NR6A1: variants seen among roughly 807,000 people sequenced by gnomAD.
The protein encoded by NR6A1 is nuclear receptor subfamily 6 group A member 1, also known as retinoic acid receptor-related testis-associated receptor.
Under a neutral mutation model 59.1 loss-of-function variants are expected in NR6A1, and 7 were observed. That is an observed-to-expected ratio of 0.12 (90% confidence interval 0.07 to 0.22). The LOEUF is 0.22. Ranked by LOEUF, NR6A1 falls within the 10% of genes least tolerant of loss-of-function variation. The pLI is 1.00. For missense variants in NR6A1, 468 were observed against 611.6 expected (o/e 0.77, Z 2.48); for synonymous variants, 243 against 236.1 (o/e 1.03, Z -0.27).
At chr9:124,534,076 T>C (rs995714527) in intron 7 of NR6A1, among the ~76,000 whole-genome samples, 50 of 146,692 alleles carry the variant, frequency 3.4e-4, no homozygotes, top group African/African-American at 1.3e-3. Flanking sequence ...ATAAGACTTT[T>C]TTTTTTTTTT....
intron 2 of NR6A1, among the ~76,000 whole-genome samples, chr9:124,589,508 C>G (rs534613027): frequency 1.3e-5 from 2 of 152,308 alleles, no homozygotes; most frequent in African/African-American, 2.4e-5. Flanking sequence ...TGATAGTGTA[C>G]ATGTACACAT....
rs184058975 is a variant in NR6A1, at chr9:124,616,382, G to A, written c.143-61812C>T. On this transcript the variant is annotated intron_variant, in intron 2 of 9. Coordinates refer to ENST00000487099, the MANE Select transcript of NR6A1 (RefSeq NM_033334.4). Reference sequence around the variant, plus strand: ...CGCGCCAATGCACTCCAGCCTGGGCGACAAAGCGGGACTCCATCTCAAAAA... The same window carrying A: ...CGCGCCAATGCACTCCAGCCTGGGCAACAAAGCGGGACTCCATCTCAAAAA... Among the ~76,000 whole-genome samples the A allele has an allele frequency of 8.5e-5, 11 of 129,906 alleles. No homozygotes were observed. The East Asian group carries it at 8.9e-4, about 10-fold the overall frequency. 85.2% of individuals were successfully genotyped at this position (129,906 alleles called of 152,430 possible).
At chr9:124,553,997 C>T (rs1833859118) in intron 3 of NR6A1, among the ~76,000 whole-genome samples, 3 of 152,294 alleles carry the variant, frequency 2.0e-5, no homozygotes, top group African/African-American at 7.2e-5. Flanking sequence ...TCTCCTACCT[C>T]ATGCCTTTTC....
chr9:124,725,033 T>C (rs1839669509), intron 2 of NR6A1, among the ~76,000 whole-genome samples: 1 of 152,244 alleles, frequency 6.6e-6, no homozygotes. Flanking sequence ...ATGACTTCTA[T>C]TCTCTAACTT....
chr9:124,567,107 C>CA (rs796647682), intron 2 of NR6A1, among the ~76,000 whole-genome samples: 2,903 of 121,524 alleles, frequency 0.024, 51 homozygotes, highest in African/African-American at 0.045. Context: ...GACTCCGTCT[C>CA]AAAAAAAAAA....
chr9:124,566,080 T>C (rs932524380), intron 2 of NR6A1, among the ~76,000 whole-genome samples: 1 of 152,252 alleles, frequency 6.6e-6, no homozygotes, highest in Non-Finnish European at 1.5e-5. Context: ...TTACTACAGA[T>C]GGTATGCGTT....
chr9:124,704,042 T>C, intron 2 of NR6A1, among the ~76,000 whole-genome samples: 1 of 152,234 alleles, frequency 6.6e-6, no homozygotes, highest in East Asian at 1.9e-4. Flanking sequence ...AGATTTTTAA[T>C]TACTAATTCA....
chr9:124,541,944 A>T (rs1000478134), intron 4 of NR6A1, among the ~76,000 whole-genome samples: 15 of 152,366 alleles, frequency 9.8e-5, no homozygotes, highest in Admixed American at 3.9e-4. Flanking sequence ...GCATGATTCC[A>T]CTTTATGAGG....
chr9:124,713,605 G>T (rs1331540605), intron 2 of NR6A1, among the ~76,000 whole-genome samples: 1 of 152,116 alleles, frequency 6.6e-6, no homozygotes, highest in East Asian at 1.9e-4. Context: ...TTTCTCCAAA[G>T]AAGACACACA....
intron 2 of NR6A1, among the ~76,000 whole-genome samples, chr9:124,718,926 C>T (rs531010226): frequency 6.6e-6 from 1 of 150,774 alleles, no homozygotes; most frequent in South Asian, 2.1e-4. Flanking sequence ...GCGATCCTCC[C>T]ACCTCAGCAT....
intron 1 of NR6A1, among the ~76,000 whole-genome samples, chr9:124,755,372 C>G (rs867308893): frequency 2.0e-5 from 3 of 152,172 alleles, no homozygotes; most frequent in South Asian, 4.1e-4. Flanking sequence ...CACAAGCACA[C>G]TGGCATGTAA....
At chr9:124,626,662 G>A (rs753725659) in intron 2 of NR6A1, among the ~76,000 whole-genome samples, 7 of 152,320 alleles carry the variant, frequency 4.6e-5, no homozygotes, top group African/African-American at 1.4e-4. Context: ...CAGGCGGGGC[G>A]TGGTGGCTCA....
At chr9:124,767,279 G>C (rs897893615) in intron 1 of NR6A1, among the ~76,000 whole-genome samples, 36 of 152,034 alleles carry the variant, frequency 2.4e-4, no homozygotes, top group Non-Finnish European at 4.1e-4. Context: ...TAACACATGT[G>C]CCTTGCATAC....
chr9:124,716,768 A>G (rs1481228348), intron 2 of NR6A1, among the ~76,000 whole-genome samples: 1 of 152,146 alleles, frequency 6.6e-6, no homozygotes, highest in Non-Finnish European at 1.5e-5. Flanking sequence ...AGTAGCTGGG[A>G]TTACAGGCAG....
At chr9:124,549,123 T>C (rs559045974) in intron 3 of NR6A1, among the ~76,000 whole-genome samples, 1 of 152,202 alleles carries the variant, frequency 6.6e-6, no homozygotes, top group Non-Finnish European at 1.5e-5. Flanking sequence ...GCAAAAAAGC[T>C]GTGGAAGCAC....
chr9:124,715,651 T>C (rs1477003913), intron 2 of NR6A1, among the ~76,000 whole-genome samples: 2 of 151,938 alleles, frequency 1.3e-5, no homozygotes, highest in Non-Finnish European at 2.9e-5. Context: ...GCAAGTTTTG[T>C]TAAAAAAAGA....
chr9:124,767,321 T>C (rs1032230387), intron 1 of NR6A1, among the ~76,000 whole-genome samples: 1 of 152,136 alleles, frequency 6.6e-6, no homozygotes, highest in East Asian at 1.9e-4. Flanking sequence ...GAATGAATTA[T>C]AGATTAGGAA....
chr9:124,651,708 T>C lies in NR6A1; in HGVS notation c.142+81600A>G, dbSNP rs76092672. Among the ~76,000 whole-genome samples, 1,528 of 152,340 alleles carry C rather than the reference T, an allele frequency of 0.01. 66 individuals carry two copies. In the East Asian group the frequency reaches 0.15, roughly 15 times the overall value. ...CGGTTTACACTAAAATAGGCCTCAT[T>C]ACATATCTAAAGAAATTATCCAAAA... On this transcript the variant is annotated intron_variant, in intron 2 of 9. Transcript: ENST00000487099.
chr9:124,644,037 A>G (rs1836855212), intron 2 of NR6A1, among the ~76,000 whole-genome samples: 1 of 152,028 alleles, frequency 6.6e-6, no homozygotes, highest in Non-Finnish European at 1.5e-5. Flanking sequence ...AGTAGCTGGG[A>G]TTACAGGCAC....
Sources: gnomAD v4.1 joint callset for allele counts (sites outside exome capture counted in the v4.1 genomes callset) on GRCh38, gnomAD v4.1.1 for gene constraint, MANE v1.5 for transcripts, NCBI Gene and HGNC (gene_info 2026-07-23, HGNC 2026-07-21) for gene names.